The following DNAAF9 variants were observed in gnomAD, a reference collection of about 807,000 sequenced individuals.
The protein encoded by DNAAF9 is shulin.
In DNAAF9, 90 loss-of-function variants were observed where a neutral mutation model predicts 167.0. That is an observed-to-expected ratio of 0.54 (90% CI 0.45 to 0.64). The LOEUF is 0.64. DNAAF9 is among the 30% of genes least tolerant of loss of function. DNAAF9 has a pLI of 0.00. For missense variants in DNAAF9, 1,315 were observed against 1,442.2 expected (o/e 0.91, Z 1.43); for synonymous variants, 491 against 508.8 (o/e 0.96, Z 0.47).
chr20:3,255,902 TG>T, intron 34 of DNAAF9, 103 bp downstream of exon 34: 1 of 824,776 alleles, frequency 1.2e-6, no homozygotes, highest in Non-Finnish European at 2.0e-6. Context: ...GGAAGCCCAG[TG>T]GGGAGGCATC....
At chr20:3,267,762 G>A (rs2068514634) in intron 30 of DNAAF9, among the ~76,000 whole-genome samples, 1 of 152,076 alleles carries the variant, frequency 6.6e-6, no homozygotes, top group African/African-American at 2.4e-5. Flanking sequence ...TTGAATCCAG[G>A]AGGTGGAGGT....
intron 7 of DNAAF9, among the ~76,000 whole-genome samples, chr20:3,349,253 G>A (rs1246835944): frequency 6.7e-6 from 1 of 149,306 alleles, no homozygotes; most frequent in Admixed American, 6.7e-5. Flanking sequence ...TTGGTGGTGC[G>A]CACCTGTTGT....
intron 29 of DNAAF9, among the ~76,000 whole-genome samples, chr20:3,272,635 T>C (rs901349488): frequency 6.6e-6 from 1 of 152,186 alleles, no homozygotes; most frequent in African/African-American, 2.4e-5. Context: ...AATCTCCCAT[T>C]CTGAAAGATG....
At chr20:3,362,627 A>C (rs1192403036) in intron 6 of DNAAF9, among the ~76,000 whole-genome samples, 2 of 152,062 alleles carry the variant, frequency 1.3e-5, no homozygotes, top group African/African-American at 4.8e-5. Flanking sequence ...TGTGCATTGT[A>C]GGCCCTCATT....
chr20:3,252,306 T>A lies in DNAAF9; in HGVS notation c.*266A>T. On this transcript the variant is annotated 3_prime_UTR_variant, in exon 37 of 37. Coordinates refer to ENST00000252032, the MANE Select transcript of DNAAF9 (RefSeq NM_001009984.3). ...CCTGTTATCAGAAACCCAGAGCTCC[T>A]GGACTGCCAGTTGCACACGTAGACG... 1 of 335,238 alleles carries A rather than the reference T, an allele frequency of 3.0e-6. No individual in the cohort carries two copies. The allele number at this position is 335,238 out of a possible 1,614,324, so 20.8% of individuals were successfully genotyped here. A position where few individuals can be genotyped will look rare whatever the true frequency, so the allele number is the denominator to read the frequency against.
At chr20:3,306,474 T>C (rs6051727) in intron 20 of DNAAF9, among the ~76,000 whole-genome samples, 86,890 of 152,046 alleles carry the variant, frequency 0.57, 24,904 homozygotes, top group Admixed American at 0.6. Context: ...TCATACATTA[T>C]AGTTTTCTGT....
intron 7 of DNAAF9, among the ~76,000 whole-genome samples, chr20:3,349,182 T>C (rs2070257380): frequency 9.7e-6 from 1 of 102,604 alleles, no homozygotes; most frequent in Non-Finnish European, 1.8e-5. Context: ...TGATGAGACC[T>C]CGTCTCTACC....
At chr20:3,332,506 T>C (rs572133139) in intron 10 of DNAAF9, 145 bp from the exon 11 acceptor site, 3 of 499,852 alleles carry the variant, frequency 6.0e-6, no homozygotes, top group African/African-American at 2.0e-5. Context: ...TAGGATGGAG[T>C]GCAGTGGCGC....
At chr20:3,371,995 C>T (rs1392890750) in intron 6 of DNAAF9, among the ~76,000 whole-genome samples, 1 of 152,190 alleles carries the variant, frequency 6.6e-6, no homozygotes, top group African/African-American at 2.4e-5. Flanking sequence ...TCAGTTTGGC[C>T]CAGCATAAAT....
rs374936080 is a variant in DNAAF9 at position 3,322,218 on chromosome 20, G to A, written c.1355C>T (p.Thr452Met). 7.5e-6 allele frequency: 12 copies of A among 1,607,050 alleles called. No homozygotes were observed. The highest frequency in any genetic ancestry group is 3.3e-4 in the Middle Eastern group (2 of 6,076). The change falls in exon 16 of 37, where the codon ACG becomes ATG. Residue 452 changes from threonine (T) to methionine (M), a missense_variant and splice_region_variant. Coordinates refer to ENST00000252032, the MANE Select transcript of DNAAF9 (RefSeq NM_001009984.3). ...DSEDSLSFVK[T>M]ACMAVYDIPD... is the part of the protein sequence containing the mutation. ...CTGACCCATGATAGCTCTGCTTACC[G>A]TCTTCACAAAGGATAAGCTATCTTC...
At chr20:3,327,937 A>G (rs11908551) in intron 12 of DNAAF9, among the ~76,000 whole-genome samples, 2,580 of 152,310 alleles carry the variant, frequency 0.017, 74 homozygotes, top group African/African-American at 0.059. Context: ...GATGTGAATG[A>G]GCTTGGCCCC....
chr20:3,359,515 C>T lies in DNAAF9; in HGVS notation c.690+1G>A, dbSNP rs752764169. 2 of 1,603,390 alleles carry T rather than the reference C, an allele frequency of 1.2e-6. No individual in the cohort carries two copies. The highest frequency in any genetic ancestry group is 8.5e-7 in the Non-Finnish European group (1 of 1,172,354). The stretch of plus-strand genomic sequence containing the variant: ...TTAAAAGTTACTGTTTGGCTCCTTA[C>T]ATCTGAAAGCAAACTCTCCAGAGAC... On this transcript the variant is annotated splice_donor_variant, in intron 7 of 36. Transcript: ENST00000252032. LOFTEE classifies it high-confidence loss of function.
intron 30 of DNAAF9, 49 bp from the exon 31 acceptor site, chr20:3,264,573 CTT>C (rs758855438): frequency 3.9e-4 from 299 of 764,186 alleles, no homozygotes; most frequent in Admixed American, 7.0e-4. Context: ...CTGTCAATCT[CTT>C]TTTTTTTTTT....
At chr20:3,296,111 A>G (rs2069072336) in intron 23 of DNAAF9, 1 of 670,772 alleles carries the variant, frequency 1.5e-6, no homozygotes, top group Non-Finnish European at 2.9e-6. Flanking sequence ...AGGAAAATGC[A>G]CTTTACATGT....
intron 7 of DNAAF9, among the ~76,000 whole-genome samples, chr20:3,350,760 T>C (rs921376155): frequency 1.3e-5 from 2 of 152,166 alleles, no homozygotes; most frequent in African/African-American, 4.8e-5. Context: ...TTCTGTTAAA[T>C]TGTGAAACAA....
chr20:3,296,027 T>C, intron 23 of DNAAF9: 2 of 1,169,976 alleles, frequency 1.7e-6, no homozygotes, highest in South Asian at 2.4e-5. Context: ...GGTTTCAAGC[T>C]GAAATTTTCC....
At chr20:3,366,319 A>G (rs1246229001) in intron 6 of DNAAF9, among the ~76,000 whole-genome samples, 1 of 152,204 alleles carries the variant, frequency 6.6e-6, no homozygotes, top group Non-Finnish European at 1.5e-5. Flanking sequence ...CCTCCATTAG[A>G]GCTCTTTGCT....
At chr20:3,385,746 C>A (rs2083725976) in intron 1 of DNAAF9, among the ~76,000 whole-genome samples, 1 of 152,096 alleles carries the variant, frequency 6.6e-6, no homozygotes, top group Admixed American at 6.6e-5. Flanking sequence ...AATACAATAC[C>A]ATTTATAATC....
intron 16 of DNAAF9, 133 bp from the exon 17 acceptor site, chr20:3,318,533 G>T: frequency 1.7e-6 from 1 of 572,650 alleles, no homozygotes; most frequent in East Asian, 2.9e-5. Context: ...GGGAAAACTG[G>T]AGTTATCCTA....
Sources: gnomAD v4.1 joint callset for allele counts (sites outside exome capture counted in the v4.1 genomes callset) on GRCh38, gnomAD v4.1.1 for gene constraint, MANE v1.5 for transcripts, NCBI Gene and HGNC (gene_info 2026-07-23, HGNC 2026-07-21) for gene names.